Variants in DIP2C observed in about 807,000 individuals in gnomAD.
The protein encoded by DIP2C is disco-interacting protein 2 homolog C.
Under a neutral mutation model 192.4 loss-of-function variants are expected in DIP2C, and 33 were observed. The observed-to-expected ratio is 0.17, with a 90% CI of 0.13 to 0.23. The LOEUF is 0.23. DIP2C is among the 10% of genes least tolerant of loss of function. The pLI is 1.00. For missense variants in DIP2C, 1,537 were observed against 2,110.1 expected (o/e 0.73, Z 5.32); for synonymous variants, 979 against 864.1 (o/e 1.13, Z -2.33).
chr10:299,149 GCA>G (rs888710104), intron 32 of DIP2C, among the ~76,000 whole-genome samples: 16 of 152,142 alleles, frequency 1.1e-4, no homozygotes, highest in Admixed American at 2.6e-4. Context: ...TACACAATGT[GCA>G]CACACAGTTT....
chr10:624,559 C>T (rs1451122839), intron 1 of DIP2C, among the ~76,000 whole-genome samples: 1 of 152,276 alleles, frequency 6.6e-6, no homozygotes, highest in East Asian at 1.9e-4. Context: ...GCTTGGAAGT[C>T]ACTCCCACCA....
At chr10:556,644 C>T (rs568414462) in intron 1 of DIP2C, among the ~76,000 whole-genome samples, 1 of 151,992 alleles carries the variant, frequency 6.6e-6, no homozygotes, top group Non-Finnish European at 1.5e-5. Flanking sequence ...TGTTGCCACC[C>T]TGCCCACTGG....
intron 1 of DIP2C, among the ~76,000 whole-genome samples, chr10:543,325 G>A (rs561089282): frequency 1.2e-4 from 19 of 152,230 alleles, no homozygotes; most frequent in Admixed American, 7.2e-4. Context: ...TAGCGAGAAC[G>A]TACACAGACA....
rs867412015 is a variant in DIP2C at position 570,978 on chromosome 10, C to T, written c.86-84448G>A. Among the ~76,000 whole-genome samples the T allele has an allele frequency of 5.9e-5, 9 of 152,374 alleles. No individual in the cohort carries two copies. In the South Asian group the frequency reaches 6.2e-4, roughly 11 times the overall value. The stretch of plus-strand genomic sequence containing the variant: ...CAGCGCACGACTCCCACCGGAGCCC[C>T]GGCAGCAAGAGCCCCGCAGGCTTCC... On this transcript the variant is annotated intron_variant, in intron 1 of 36. Coordinates refer to ENST00000280886, the MANE Select transcript of DIP2C (RefSeq NM_014974.3).
At chr10:635,107 T>C (rs1417377763) in intron 1 of DIP2C, among the ~76,000 whole-genome samples, 1 of 152,158 alleles carries the variant, frequency 6.6e-6, no homozygotes, top group Non-Finnish European at 1.5e-5. Flanking sequence ...CACGAACCCA[T>C]GACACACCCC....
intron 9 of DIP2C, among the ~76,000 whole-genome samples, chr10:407,046 G>T (rs1400755432): frequency 1.3e-5 from 2 of 152,134 alleles, no homozygotes; most frequent in Middle Eastern, 3.2e-3. Context: ...TAAAAACTCT[G>T]AACGATCCTC....
intron 8 of DIP2C, among the ~76,000 whole-genome samples, chr10:409,945 G>A (rs957169184): frequency 3.3e-5 from 5 of 152,342 alleles, no homozygotes; most frequent in Admixed American, 6.5e-5. Context: ...CAGTAGTCAA[G>A]GTGTTAGAAG....
At chr10:405,259 G>C (rs1366710842) in intron 9 of DIP2C, among the ~76,000 whole-genome samples, 1 of 152,206 alleles carries the variant, frequency 6.6e-6, no homozygotes, top group Non-Finnish European at 1.5e-5. Context: ...CCCAGCTCCT[G>C]TTGCCTCTGC....
intron 1 of DIP2C, among the ~76,000 whole-genome samples, chr10:529,566 GAA>G (rs150962204): frequency 0.011 from 1,706 of 152,298 alleles, 36 homozygotes; most frequent in African/African-American, 0.039. Context: ...TGGGAAAACA[GAA>G]AAGACAGGAG....
intron 9 of DIP2C, among the ~76,000 whole-genome samples, chr10:402,745 C>T (rs1397026055): frequency 5.6e-5 from 1 of 17,954 alleles, no homozygotes; most frequent in African/African-American, 6.0e-5. Flanking sequence ...TAGCATTACT[C>T]TTCCTTATGG....
At chr10:657,599 C>CGCTGGACCTGAT (rs1345047070) in intron 1 of DIP2C, among the ~76,000 whole-genome samples, 2 of 87,626 alleles carry the variant, frequency 2.3e-5, no homozygotes, top group Non-Finnish European at 2.4e-5. Flanking sequence ...CTGGACCTGC[C>CGCTGGACCTGAT]GCTGGACCTG....
chr10:427,236 C>T (rs1023458715), intron 4 of DIP2C, among the ~76,000 whole-genome samples: 1 of 152,192 alleles, frequency 6.6e-6, no homozygotes, highest in Non-Finnish European at 1.5e-5. Flanking sequence ...TGACTTATGG[C>T]CCCTCCTCAT....
chr10:347,470 C>T (rs1161988765), intron 26 of DIP2C, among the ~76,000 whole-genome samples: 10 of 118,324 alleles, frequency 8.5e-5, no homozygotes, highest in South Asian at 6.6e-4. Context: ...ATAGTTCTCC[C>T]GGAAACCCCA....
intron 1 of DIP2C, among the ~76,000 whole-genome samples, chr10:488,336 G>A (rs543182822): frequency 4.6e-5 from 7 of 152,342 alleles, no homozygotes; most frequent in Admixed American, 4.6e-4. Context: ...AGACAGTTCA[G>A]TGCAGCTCTT....
chr10:442,265 G>A (rs1283206933), intron 3 of DIP2C, among the ~76,000 whole-genome samples: 1 of 151,938 alleles, frequency 6.6e-6, no homozygotes, highest in Non-Finnish European at 1.5e-5. Context: ...TAAACCCCGC[G>A]AGCTGCCACC....
intron 24 of DIP2C, among the ~76,000 whole-genome samples, chr10:350,322 A>C (rs183785912): frequency 6.6e-6 from 1 of 152,168 alleles, no homozygotes; most frequent in East Asian, 1.9e-4. Flanking sequence ...CGTGGCCTCA[A>C]GTGATCTTCC....
chr10:575,360 G>A (rs1264378534), intron 1 of DIP2C, among the ~76,000 whole-genome samples: 1 of 152,166 alleles, frequency 6.6e-6, no homozygotes, highest in African/African-American at 2.4e-5. Context: ...CAAATGAAGG[G>A]ACTGGTAAAC....
At chr10:423,342 T>C (rs1966339677) in intron 4 of DIP2C, among the ~76,000 whole-genome samples, 1 of 152,204 alleles carries the variant, frequency 6.6e-6, no homozygotes, top group Non-Finnish European at 1.5e-5. Flanking sequence ...TTTGCTTGTG[T>C]CACCCACAAA....
chr10:353,254 G>T (rs546061363), intron 24 of DIP2C, among the ~76,000 whole-genome samples: 2 of 151,676 alleles, frequency 1.3e-5, no homozygotes, highest in African/African-American at 4.8e-5. Context: ...CCATTTTAAC[G>T]TTTCACATTA....
Sources: gnomAD v4.1 joint callset for allele counts (sites outside exome capture counted in the v4.1 genomes callset) on GRCh38, gnomAD v4.1.1 for gene constraint, MANE v1.5 for transcripts, NCBI Gene and HGNC (gene_info 2026-07-23, HGNC 2026-07-21) for gene names.